CNTNAP3B: variants seen among roughly 807,000 people sequenced by gnomAD.
The protein encoded by CNTNAP3B is contactin-associated protein-like 3B.
Under a neutral mutation model 108.9 loss-of-function variants are expected in CNTNAP3B, and 25 were observed. That is an observed-to-expected ratio of 0.23 (90% CI 0.17 to 0.32). The LOEUF is 0.32. Among genes scored for constraint, CNTNAP3B ranks in the 10% least tolerant of loss-of-function variants. CNTNAP3B has a pLI of 1.00. For synonymous variants in CNTNAP3B, 103 were observed against 473.4 expected (o/e 0.22, Z 10.16); for missense variants, 252 against 1,210.4 (o/e 0.21, Z 11.75).
chr9:42,120,724 A>C lies in CNTNAP3B; in HGVS notation c.85+8286T>G. On this transcript the variant is annotated intron_variant, in intron 1 of 23. Transcript: ENST00000377561. Reference sequence around the variant, plus strand: ...ATTCTCAGCAAACTATTGCAAGGACAAAAAACCAAACACCGCATGTTCTCA... The same window carrying C: ...ATTCTCAGCAAACTATTGCAAGGACCAAAAACCAAACACCGCATGTTCTCA... Among the ~76,000 whole-genome samples, 2 of 132,966 alleles carry C rather than the reference A, an allele frequency of 1.5e-5. 1 individual carries two copies. The highest frequency in any genetic ancestry group is 3.2e-5 in the Non-Finnish European group (2 of 63,388). The allele number at this position is 132,966 out of a possible 152,430, so 87.2% of individuals were successfully genotyped here.
In CNTNAP3B at chr9:42,127,807, C is replaced by A. The variant is rs756828708; in HGVS notation, c.85+1203G>T. Among the ~76,000 whole-genome samples the A allele has an allele frequency of 2.8e-4, 39 of 139,262 alleles. 8 individuals carry two copies. The highest frequency in any genetic ancestry group is 5.7e-4 in the Admixed American group (8 of 14,032). The allele number at this position is 139,262 out of a possible 152,430, so 91.4% of individuals were successfully genotyped here. A position where few individuals can be genotyped will look rare whatever the true frequency, so the allele number is the denominator to read the frequency against. On this transcript the variant is annotated intron_variant, in intron 1 of 23. Transcript: ENST00000377561. ...ATGATGCACAGTGAGTGCATGAACC[C>A]ATGTGCGTGCCCTGTGTGTGAAGAA...
intron 14 of CNTNAP3B, among the ~76,000 whole-genome samples, chr9:41,935,785 G>A (rs1395144254): frequency 6.6e-6 from 1 of 152,276 alleles, no homozygotes; most frequent in Admixed American, 6.5e-5. Flanking sequence ...TGTAGGAGGG[G>A]AGTTAATTTT....
Position 41,921,525 on chromosome 9 carries a change from A to T in CNTNAP3B, c.2755+1152T>A, listed in dbSNP as rs1409417542. Among the ~76,000 whole-genome samples, 889 of 149,906 alleles carry T rather than the reference A, an allele frequency of 5.9e-3. 1 individual carries two copies. Among genetic ancestry groups the T allele is most frequent in the African/African-American group, 0.016 (652 of 40,174 alleles). On this transcript the variant is annotated intron_variant, in intron 17 of 23. Transcript: ENST00000377561. ...TAATTTGTGATTTAGTCCAGTTTTAATTAGATTGCATCCTTATTCGCTTTA... is the reference window on the plus strand; with the variant it reads ...TAATTTGTGATTTAGTCCAGTTTTATTTAGATTGCATCCTTATTCGCTTTA...
chr9:42,124,058 C>T (rs1828516164), intron 1 of CNTNAP3B, among the ~76,000 whole-genome samples: 1 of 136,786 alleles, frequency 7.3e-6, no homozygotes, highest in African/African-American at 2.9e-5. Context: ...ACCACGTCTT[C>T]TTGGTAATTT....
intron 15 of CNTNAP3B, among the ~76,000 whole-genome samples, chr9:41,928,696 C>A (rs1296208727): frequency 6.6e-6 from 1 of 151,898 alleles, no homozygotes; most frequent in East Asian, 1.9e-4. Flanking sequence ...ATGTATGATG[C>A]TAGTGGGTAA....
chr9:42,051,723 T>A (rs1479838307), intron 3 of CNTNAP3B, among the ~76,000 whole-genome samples: 1 of 148,838 alleles, frequency 6.7e-6, no homozygotes, highest in Non-Finnish European at 1.5e-5. Flanking sequence ...GCCGTTTAAC[T>A]TTTTTTATTA....
At position 42,118,754 on chromosome 9, in the gene CNTNAP3B, C is replaced by G. The variant is rs1329264421; in HGVS notation, c.85+10256G>C. On this transcript the variant is annotated intron_variant, in intron 1 of 23. Coordinates refer to ENST00000377561, the MANE Select transcript of CNTNAP3B (RefSeq NM_001201380.3). ...TCAAATTGTCCCTGTTTGCAGATGACATGATTGTGTATTTAGAAAACCCCA... is the reference window on the plus strand; with the variant it reads ...TCAAATTGTCCCTGTTTGCAGATGAGATGATTGTGTATTTAGAAAACCCCA... Among the ~76,000 whole-genome samples, 7 of 115,544 alleles carry G rather than the reference C, an allele frequency of 6.1e-5. 2 individuals carry two copies. The highest frequency in any genetic ancestry group is 8.9e-5 in the Non-Finnish European group (5 of 56,404). 75.8% of individuals were successfully genotyped at this position (115,544 alleles called of 152,430 possible).
rs1011004447 is a variant in CNTNAP3B at position 42,095,008 on chromosome 9, A to C, written c.196+9621T>G. ...AATCAGCATATCAGTCACCTCAAAT[A>C]TGTATCATTCTTTTAGCGGTGAGAA... On this transcript the variant is annotated intron_variant, in intron 2 of 23. Coordinates refer to ENST00000377561, the MANE Select transcript of CNTNAP3B (RefSeq NM_001201380.3). Among the ~76,000 whole-genome samples the C allele has an allele frequency of 2.0e-4, 26 of 132,862 alleles. 3 individuals are homozygous for C. The allele number at this position is 132,862 out of a possible 152,430, so 87.2% of individuals were successfully genotyped here. A position where few individuals can be genotyped will look rare whatever the true frequency, so the allele number is the denominator to read the frequency against.
chr9:41,999,552 C>T (rs1342254158), intron 4 of CNTNAP3B, among the ~76,000 whole-genome samples: 3 of 123,478 alleles, frequency 2.4e-5, no homozygotes, highest in African/African-American at 1.0e-4. Flanking sequence ...CACACATACA[C>T]ACACACACAC....
In CNTNAP3B at chr9:42,121,387, C is replaced by T. The variant is rs1332882745; in HGVS notation, c.85+7623G>A. On this transcript the variant is annotated intron_variant, in intron 1 of 23. Transcript: ENST00000377561. ...GCTCAGCTTTCTAAGAAAACTCTGG[C>T]TGGGACAGTGGACTTTCCAGAATGG... 2.2e-5 allele frequency among the ~76,000 whole-genome samples: 3 copies of T among 139,076 alleles called. 1 individual carries two copies. Among genetic ancestry groups the T allele is most frequent in the African/African-American group, 8.6e-5 (3 of 34,964 alleles). 91.2% of individuals were successfully genotyped at this position (139,076 alleles called of 152,430 possible). A position where few individuals can be genotyped will look rare whatever the true frequency, so the allele number is the denominator to read the frequency against.
intron 1 of CNTNAP3B, among the ~76,000 whole-genome samples, chr9:42,116,096 G>A (rs62558078): frequency 0.014 from 1,941 of 139,654 alleles, 292 homozygotes; most frequent in South Asian, 0.057. Context: ...TAGCCAATCC[G>A]ATCAACTGGA....
At chr9:42,049,321 TTC>T (rs1173929033) in intron 3 of CNTNAP3B, among the ~76,000 whole-genome samples, 1 of 139,740 alleles carries the variant, frequency 7.2e-6, no homozygotes, top group Non-Finnish European at 1.5e-5. Flanking sequence ...TGCTGACTCT[TTC>T]TGATTTTCAT....
In CNTNAP3B at chr9:42,116,963, A is replaced by C. The variant is rs1291119727; in HGVS notation, c.85+12047T>G. On this transcript the variant is annotated intron_variant, in intron 1 of 23. Transcript: ENST00000377561. ...ATAATTGTAAAGGGATCAATTCAAC[A>C]AGAAGAGTTAAATATCCTAAATATA... Among the ~76,000 whole-genome samples the C allele has an allele frequency of 5.7e-5, 8 of 139,978 alleles. 2 individuals are homozygous for C. Among genetic ancestry groups the C allele is most frequent in the Non-Finnish European group, 3.1e-5 (2 of 65,156 alleles). 91.8% of individuals were successfully genotyped at this position (139,978 alleles called of 152,430 possible).
chr9:41,939,326 T>C (rs1341805711), intron 13 of CNTNAP3B, among the ~76,000 whole-genome samples: 5 of 152,306 alleles, frequency 3.3e-5, no homozygotes, highest in African/African-American at 7.2e-5. Context: ...ACATGCTTGA[T>C]CATGTGGTGC....
Position 42,121,009 on chromosome 9 carries a change from C to T in CNTNAP3B, c.85+8001G>A, listed in dbSNP as rs192125408. 5.2e-3 allele frequency among the ~76,000 whole-genome samples: 726 copies of T among 138,658 alleles called. 115 individuals are homozygous for T. Among genetic ancestry groups the T allele is most frequent in the Non-Finnish European group, 8.4e-3 (543 of 64,676 alleles). 91.0% of individuals were successfully genotyped at this position (138,658 alleles called of 152,430 possible). A position where few individuals can be genotyped will look rare whatever the true frequency, so the allele number is the denominator to read the frequency against. ...ATAAAAAATTAAAAAGTTCAGTGTT[C>T]GAGTTCTCTCTTTGTCTCTTGGCCT... On this transcript the variant is annotated intron_variant, in intron 1 of 23. Coordinates refer to ENST00000377561, the MANE Select transcript of CNTNAP3B (RefSeq NM_001201380.3).
At chr9:41,931,085 C>G in intron 14 of CNTNAP3B, among the ~76,000 whole-genome samples, 1 of 152,288 alleles carries the variant, frequency 6.6e-6, no homozygotes. Context: ...GCCCAGTTCT[C>G]AAACCTTCTT....
rs1316554644 is a variant in CNTNAP3B, at chr9:42,001,395, C to T, written c.539-2791G>A. ...TGTCACTGCACCCCAGCCTGGGCAA[C>T]ACAGCAAGACCCCATTTCAAGAAAA... is the stretch of plus-strand genomic sequence containing the variant. On this transcript the variant is annotated intron_variant, in intron 4 of 23. Transcript: ENST00000377561. 2.3e-5 allele frequency among the ~76,000 whole-genome samples: 3 copies of T among 132,712 alleles called. 1 individual carries two copies. The highest frequency in any genetic ancestry group is 9.2e-5 in the African/African-American group (3 of 32,638). 87.1% of individuals were successfully genotyped at this position (132,712 alleles called of 152,430 possible).
intron 14 of CNTNAP3B, among the ~76,000 whole-genome samples, chr9:41,930,905 A>G (rs1010367730): frequency 6.6e-6 from 1 of 152,238 alleles, no homozygotes; most frequent in Non-Finnish European, 1.5e-5. Flanking sequence ...GGCCAATAAT[A>G]TTGCATATAT....
At chr9:42,044,694 T>C (rs1367196446) in intron 3 of CNTNAP3B, among the ~76,000 whole-genome samples, 1 of 147,412 alleles carries the variant, frequency 6.8e-6, no homozygotes. Context: ...AAAGACTACG[T>C]TGGCCCACTT....
Sources: gnomAD v4.1 joint callset for allele counts (sites outside exome capture counted in the v4.1 genomes callset) on GRCh38, gnomAD v4.1.1 for gene constraint, MANE v1.5 for transcripts, NCBI Gene and HGNC (gene_info 2026-07-23, HGNC 2026-07-21) for gene names.